Variants in KALRN observed in about 807,000 individuals in gnomAD.
KALRN encodes kalirin.
In KALRN, 70 loss-of-function variants were observed where a neutral mutation model predicts 353.7. That is an observed-to-expected ratio of 0.20 (90% CI 0.16 to 0.24). KALRN has a LOEUF of 0.24. Ranked by LOEUF, KALRN falls within the 10% of genes least tolerant of loss-of-function variation. KALRN has a pLI of 1.00. For missense variants in KALRN, 2,791 were observed against 3,756.7 expected (o/e 0.74, Z 6.72); for synonymous variants, 1,391 against 1,434.8 (o/e 0.97, Z 0.69).
intron 51 of KALRN, among the ~76,000 whole-genome samples, chr3:124,686,694 A>ACTTG (rs1451596875): frequency 6.6e-6 from 1 of 151,718 alleles, no homozygotes; most frequent in East Asian, 1.9e-4. Context: ...GGAAGCCAGG[A>ACTTG]CTTGATCCAT....
At chr3:124,509,174 G>A (rs972644635) in intron 33 of KALRN, among the ~76,000 whole-genome samples, 3 of 152,078 alleles carry the variant, frequency 2.0e-5, no homozygotes, top group Non-Finnish European at 2.9e-5. Flanking sequence ...GTAAGTTAGA[G>A]GCTCATGTGA....
chr3:124,321,470 G>GT (rs1161876984), intron 6 of KALRN, among the ~76,000 whole-genome samples: 3 of 152,216 alleles, frequency 2.0e-5, no homozygotes, highest in Non-Finnish European at 4.4e-5. Flanking sequence ...GCCGGTAGGC[G>GT]TAAGCCAGGA....
At chr3:124,249,181 T>G (rs1300967736) in intron 3 of KALRN, among the ~76,000 whole-genome samples, 1 of 152,176 alleles carries the variant, frequency 6.6e-6, no homozygotes, top group Non-Finnish European at 1.5e-5. Flanking sequence ...GAGGGAATGG[T>G]CAAATGATCT....
At chr3:124,331,376 A>G (rs1372529006) in intron 8 of KALRN, among the ~76,000 whole-genome samples, 2 of 152,204 alleles carry the variant, frequency 1.3e-5, no homozygotes, top group Admixed American at 1.3e-4. Context: ...AGTATGGCAT[A>G]TTCTCACTTT....
At position 124,656,596 on chromosome 3, in the gene KALRN, G is replaced by A. The variant is rs2084074563; in HGVS notation, c.5863-852G>A. ...ACCGCACTCCAGCCTGGGCGACAGA[G>A]CAAGACTCCATCTCAAAAAATAAAA... On this transcript the variant is annotated intron_variant, in intron 39 of 59. Transcript: ENST00000682506. Among the ~76,000 whole-genome samples, 5 of 152,148 alleles carry A rather than the reference G, an allele frequency of 3.3e-5. No homozygotes were observed. The South Asian group carries it at 1.0e-3, about 32-fold the overall frequency.
At position 124,077,833 on chromosome 3, in the gene KALRN, A is replaced by G. The variant is rs143692324; in HGVS notation, c.73+44020A>G. 2.8e-4 allele frequency among the ~76,000 whole-genome samples: 42 copies of G among 152,312 alleles called. No individual in the cohort carries two copies. In the East Asian group the frequency reaches 7.5e-3, roughly 27 times the overall value. On this transcript the variant is annotated intron_variant, in intron 1 of 59. Transcript: ENST00000682506. Reference sequence around the variant, plus strand: ...GGCATCCCAGGCTCCAGAGCACCACAGCATTGCTGCCATGGTCATAAGGCT... The same window carrying G: ...GGCATCCCAGGCTCCAGAGCACCACGGCATTGCTGCCATGGTCATAAGGCT...
intron 52 of KALRN, 101 bp from the exon 53 acceptor site, chr3:124,694,231 C>A: frequency 8.8e-7 from 1 of 1,141,990 alleles, no homozygotes; most frequent in Non-Finnish European, 1.3e-6. Context: ...TGAATCATTA[C>A]ATGACATGGG....
At position 124,204,099 on chromosome 3, in the gene KALRN, G is replaced by A. The variant is rs570815229; in HGVS notation, c.74-23891G>A. On this transcript the variant is annotated intron_variant, in intron 1 of 59. Transcript: ENST00000682506. ...CTGTAATTGCAACCTCTTCAAAAATGGGAATCCCCTGTAGATCTCTGTTCT... is the reference window on the plus strand; with the variant it reads ...CTGTAATTGCAACCTCTTCAAAAATAGGAATCCCCTGTAGATCTCTGTTCT... Among the ~76,000 whole-genome samples the A allele has an allele frequency of 2.6e-5, 4 of 152,258 alleles. No homozygotes were observed. In the South Asian group the frequency reaches 8.3e-4, roughly 32 times the overall value.
At chr3:124,716,413 A>G (rs1579091102) in intron 58 of KALRN, among the ~76,000 whole-genome samples, 1 of 152,354 alleles carries the variant, frequency 6.6e-6, no homozygotes. Context: ...AATTCCAGCT[A>G]CTTGGGAAGC....
At chr3:124,149,742 A>G (rs1456726732) in intron 1 of KALRN, among the ~76,000 whole-genome samples, 3 of 152,222 alleles carry the variant, frequency 2.0e-5, no homozygotes, top group Admixed American at 2.0e-4. Context: ...TGCTATTGGT[A>G]TCTAGGAAAC....
At chr3:124,333,161 G>A (rs2080777072) in intron 8 of KALRN, among the ~76,000 whole-genome samples, 1 of 152,074 alleles carries the variant, frequency 6.6e-6, no homozygotes, top group South Asian at 2.1e-4. Flanking sequence ...AACAGCACTG[G>A]AAAAACCCAC....
intron 1 of KALRN, among the ~76,000 whole-genome samples, chr3:124,227,314 A>G (rs912414633): frequency 1.3e-5 from 2 of 152,198 alleles, no homozygotes; most frequent in Non-Finnish European, 2.9e-5. Flanking sequence ...TTTCCTTCCC[A>G]GGAGATTTGT....
chr3:124,331,443 C>A (rs1308253421), intron 8 of KALRN, among the ~76,000 whole-genome samples: 5 of 152,078 alleles, frequency 3.3e-5, no homozygotes, highest in East Asian at 3.9e-4. Context: ...ATAAATAAAT[C>A]AATCATTGTA....
intron 34 of KALRN, among the ~76,000 whole-genome samples, chr3:124,596,462 C>T (rs1198283826): frequency 3.9e-5 from 6 of 151,966 alleles, no homozygotes; most frequent in East Asian, 3.9e-4. Flanking sequence ...AGCAAGACTC[C>T]GTCTTAAAAA....
At chr3:124,606,594 A>G (rs2077371896) in intron 34 of KALRN, among the ~76,000 whole-genome samples, 1 of 152,224 alleles carries the variant, frequency 6.6e-6, no homozygotes, top group African/African-American at 2.4e-5. Flanking sequence ...CTTAACGTTA[A>G]AGTCAGGTAA....
chr3:124,167,183 C>T (rs1320492774), intron 1 of KALRN, among the ~76,000 whole-genome samples: 1 of 152,144 alleles, frequency 6.6e-6, no homozygotes, highest in Non-Finnish European at 1.5e-5. Flanking sequence ...CGACTGGGCC[C>T]AGGGCTCCCT....
chr3:124,067,538 G>A (rs2042477904), intron 1 of KALRN, among the ~76,000 whole-genome samples: 1 of 152,102 alleles, frequency 6.6e-6, no homozygotes, highest in African/African-American at 2.4e-5. Flanking sequence ...AAAACCACAA[G>A]AGAAAAGATA....
intron 34 of KALRN, among the ~76,000 whole-genome samples, chr3:124,625,434 T>C (rs1029557833): frequency 2.9e-4 from 44 of 152,148 alleles, no homozygotes; most frequent in Admixed American, 4.6e-4. Context: ...ATAAAAGTAT[T>C]GGTCTGGCCA....
chr3:124,079,220 G>C (rs1439362462), intron 1 of KALRN, among the ~76,000 whole-genome samples: 1 of 152,108 alleles, frequency 6.6e-6, no homozygotes, highest in African/African-American at 2.4e-5. Flanking sequence ...GACAGACGTG[G>C]GGATGAGGAA....
Sources: gnomAD v4.1 joint callset for allele counts (sites outside exome capture counted in the v4.1 genomes callset) on GRCh38, gnomAD v4.1.1 for gene constraint, MANE v1.5 for transcripts, NCBI Gene and HGNC (gene_info 2026-07-23, HGNC 2026-07-21) for gene names.